Variants in FOXP2 observed in about 807,000 individuals in gnomAD.
FOXP2 encodes forkhead box P2.
A neutral mutation model predicts 115.8 loss-of-function variants in FOXP2; 12 were observed. The ratio of observed to expected loss-of-function variants is 0.10; its 90% CI spans 0.07 to 0.17. The LOEUF (loss-of-function observed/expected upper bound fraction) is 0.17, where lower values mean the gene tolerates loss of function less well. Ranked by LOEUF, FOXP2 falls within the 10% of genes least tolerant of loss-of-function variation. The pLI is 1.00. For missense variants in FOXP2, 629 were observed against 843.5 expected (o/e 0.75, Z 3.15); for synonymous variants, 328 against 297.7 (o/e 1.10, Z -1.05).
intron 2 of FOXP2, among the ~76,000 whole-genome samples, chr7:114,323,781 T>C (rs1030930092): frequency 2.0e-5 from 3 of 152,018 alleles, no homozygotes; most frequent in Non-Finnish European, 4.4e-5. Context: ...TAAAAACACT[T>C]ATACTGTTGT....
At chr7:114,547,613 T>G (rs932247426) in intron 3 of FOXP2, among the ~76,000 whole-genome samples, 1 of 152,008 alleles carries the variant, frequency 6.6e-6, no homozygotes, top group Non-Finnish European at 1.5e-5. Context: ...CAAAAAATTA[T>G]CTGGGCGTGG....
chr7:114,097,485 G>T (rs543442907), intron 1 of FOXP2, among the ~76,000 whole-genome samples: 1 of 152,232 alleles, frequency 6.6e-6, no homozygotes, highest in South Asian at 2.1e-4. Context: ...GTATATAGTT[G>T]CTTTTTCCTT....
intron 3 of FOXP2, among the ~76,000 whole-genome samples, chr7:114,548,063 CT>C (rs990339485): frequency 2.6e-5 from 4 of 152,188 alleles, no homozygotes; most frequent in Non-Finnish European, 4.4e-5. Flanking sequence ...ACCAAGGTTC[CT>C]TTTAGCTAGC....
At chr7:114,384,447 G>T (rs1023343652) in intron 2 of FOXP2, among the ~76,000 whole-genome samples, 5 of 152,112 alleles carry the variant, frequency 3.3e-5, no homozygotes, top group African/African-American at 1.2e-4. Flanking sequence ...CATTTGAGGA[G>T]ACCAATTCTT....
intron 1 of FOXP2, among the ~76,000 whole-genome samples, chr7:114,253,181 T>A (rs138078257): frequency 0.019 from 2,953 of 152,280 alleles, 34 homozygotes; most frequent in Middle Eastern, 0.027. Context: ...TTCTGTTCTT[T>A]TATATTTGCT....
At chr7:114,145,178 A>G (rs973814912) in intron 1 of FOXP2, among the ~76,000 whole-genome samples, 8 of 152,154 alleles carry the variant, frequency 5.3e-5, no homozygotes, top group African/African-American at 1.9e-4. Context: ...TAATAATAAT[A>G]TGTGCTCTTA....
intron 3 of FOXP2, among the ~76,000 whole-genome samples, chr7:114,556,873 A>G (rs1800485623): frequency 6.6e-6 from 1 of 152,230 alleles, no homozygotes; most frequent in African/African-American, 2.4e-5. Flanking sequence ...TGAGATTTCT[A>G]TTAAGAAAAA....
rs1044547023 is a variant in FOXP2 at position 114,634,005 on chromosome 7, CT to C, written c.775+2310del. On this transcript the variant is annotated intron_variant, in intron 6 of 16. Transcript: ENST00000350908. The stretch of plus-strand genomic sequence containing the variant: ...TTGTGTCTTTAAAACTGTATCTTTT[CT>C]TTTTTTTTTGAGGAGTCTCACTCTG... Among the ~76,000 whole-genome samples the C allele has an allele frequency of 2.5e-4, 37 of 148,128 alleles. 1 individual carries two copies. Among genetic ancestry groups the C allele is most frequent in the South Asian group, 4.3e-4 (2 of 4,682 alleles).
chr7:114,354,987 G>GA (rs1791584148), intron 2 of FOXP2, among the ~76,000 whole-genome samples: 1 of 151,992 alleles, frequency 6.6e-6, no homozygotes, highest in Non-Finnish European at 1.5e-5. Flanking sequence ...AATTCTCTTT[G>GA]AAGACATGTC....
intron 3 of FOXP2, among the ~76,000 whole-genome samples, chr7:114,539,390 A>G (rs1799548232): frequency 6.6e-6 from 1 of 151,950 alleles, no homozygotes; most frequent in African/African-American, 2.4e-5. Flanking sequence ...ACCACATTTT[A>G]TTCCAAATAA....
At chr7:114,350,853 C>T (rs1490688694) in intron 2 of FOXP2, among the ~76,000 whole-genome samples, 2 of 152,170 alleles carry the variant, frequency 1.3e-5, no homozygotes, top group Non-Finnish European at 2.9e-5. Flanking sequence ...GACTCCCTCA[C>T]ATCCCTGCAA....
intron 1 of FOXP2, among the ~76,000 whole-genome samples, chr7:114,189,850 A>G (rs1321824696): frequency 6.6e-6 from 1 of 152,132 alleles, no homozygotes; most frequent in South Asian, 2.1e-4. Context: ...CTTTTGGCTC[A>G]ACATGATAAT....
chr7:114,511,007 A>G (rs944314271), intron 2 of FOXP2, among the ~76,000 whole-genome samples: 9 of 152,228 alleles, frequency 5.9e-5, no homozygotes, highest in African/African-American at 1.7e-4. Flanking sequence ...TATACACACC[A>G]TGGAATACTA....
rs1222751751 is a variant in FOXP2, at chr7:114,327,506, C to CT, written c.-11+39409dup. On this transcript the variant is annotated intron_variant, in intron 2 of 17. Transcript: ENST00000634411. ...TAACAGTTATTTTACTTTGTGTTTT[C>CT]TTTTTTTTTTTTCAAGATGGAGTCT... Among the ~76,000 whole-genome samples the CT allele has an allele frequency of 1.2e-3, 176 of 142,636 alleles. 1 individual carries two copies. The highest frequency in any genetic ancestry group is 2.9e-3 in the East Asian group (14 of 4,906). The allele number at this position is 142,636 out of a possible 152,430, so 93.6% of individuals were successfully genotyped here.
At chr7:114,412,827 C>G (rs1793197776), upstream of FOXP2, among the ~76,000 whole-genome samples, 2 of 152,062 alleles carry the variant, frequency 1.3e-5, no homozygotes, top group South Asian at 4.1e-4. Context: ...TGCTTGCAGA[C>G]AGCAAACCCA....
chr7:114,677,426 A>AC (rs1345799603), intron 16 of FOXP2, among the ~76,000 whole-genome samples: 1 of 152,228 alleles, frequency 6.6e-6, no homozygotes, highest in African/African-American at 2.4e-5. Flanking sequence ...GTTTAAGAGA[A>AC]CTTTATTCAT....
intron 2 of FOXP2, among the ~76,000 whole-genome samples, chr7:114,300,456 T>C (rs1208206556): frequency 6.6e-6 from 1 of 152,024 alleles, no homozygotes; most frequent in Non-Finnish European, 1.5e-5. Context: ...CATTTTCCTA[T>C]TTATACATTT....
chr7:114,128,285 G>A (rs1270567354), intron 1 of FOXP2, among the ~76,000 whole-genome samples: 3 of 152,116 alleles, frequency 2.0e-5, no homozygotes, highest in Non-Finnish European at 4.4e-5. Flanking sequence ...CTCTCACTTA[G>A]TTACCATAAT....
At chr7:114,516,377 A>T (rs921475627) in intron 2 of FOXP2, among the ~76,000 whole-genome samples, 2 of 152,156 alleles carry the variant, frequency 1.3e-5, no homozygotes, top group African/African-American at 4.8e-5. Flanking sequence ...CTGAAACTGG[A>T]TCCCTTCCTT....
Sources: allele counts gnomAD v4.1 joint callset (sites outside exome capture counted in the v4.1 genomes callset), GRCh38; gene constraint gnomAD v4.1.1; transcripts MANE v1.5; gene names NCBI Gene and HGNC (gene_info 2026-07-23, HGNC 2026-07-21).